The following MDH2 variants were observed in gnomAD, a reference collection of about 807,000 sequenced individuals.
The protein encoded by MDH2 is malate dehydrogenase 2.
MDH2 carries 25 observed loss-of-function variants against 33.6 expected under a neutral mutation model. The observed-to-expected ratio is 0.74, with a 90% CI of 0.54 to 1.04. The LOEUF (loss-of-function observed/expected upper bound fraction) is 1.04. Among genes scored for constraint, MDH2 ranks in the 50% least tolerant of loss-of-function variants. The pLI, the probability that MDH2 is intolerant of heterozygous loss-of-function variation, is 0.00. For missense variants in MDH2, 432 were observed against 445.0 expected, an observed-to-expected ratio of 0.97 and a Z score of 0.26; for synonymous variants, 193 against 188.7, an observed-to-expected ratio of 1.02 and a Z score of -0.19.
At chr7:76,055,255 G>A (rs1359563476) in intron 2 of MDH2, among the ~76,000 whole-genome samples, 1 of 152,152 alleles carries the variant, frequency 6.6e-6, no homozygotes, top group Non-Finnish European at 1.5e-5. Flanking sequence ...GTATGAGGAT[G>A]GGGAAGAGGG....
At chr7:76,051,862 G>T (rs1797637212) in intron 1 of MDH2, among the ~76,000 whole-genome samples, 1 of 152,202 alleles carries the variant, frequency 6.6e-6, no homozygotes, top group Non-Finnish European at 1.5e-5. Context: ...GCAAAGGTCA[G>T]CGGGTCTGGA....
rs782726761 is a variant in MDH2, at chr7:76,060,510, G to A, written c.555+12G>A. 5.6e-6 allele frequency: 9 copies of A among 1,613,636 alleles called. No homozygotes were observed. Among genetic ancestry groups the A allele is most frequent in the South Asian group, 3.3e-5 (3 of 91,036 alleles). On this transcript the variant is annotated intron_variant, in intron 5 of 8. Transcript: ENST00000315758. ...TTGCAGAGCTGAAGGTAAGGGCGGC[G>A]TGGGTGTTGCTCAGGTGACCTTTCT... is the stretch of plus-strand genomic sequence containing the variant.
At chr7:76,052,647 C>T (rs922180823) in intron 1 of MDH2, among the ~76,000 whole-genome samples, 3 of 150,510 alleles carry the variant, frequency 2.0e-5, no homozygotes, top group South Asian at 2.1e-4. Context: ...TGGGTTCAAG[C>T]GATTCTCCTG....
At chr7:76,054,755 A>G (rs1797719196) in intron 1 of MDH2, 75 bp from the exon 2 acceptor site, 1 of 1,565,160 alleles carries the variant, frequency 6.4e-7, no homozygotes. Context: ...GCCCAGTGCA[A>G]CATTATAGGA....
At chr7:76,060,608 T>G in intron 5 of MDH2, 110 bp downstream of exon 5, 1 of 1,479,950 alleles carries the variant, frequency 6.8e-7, no homozygotes, top group Non-Finnish European at 9.1e-7. Flanking sequence ...ACGTGTCACT[T>G]TGGGGTTTTA....
chr7:76,051,776 G>A (rs6976532), intron 1 of MDH2, among the ~76,000 whole-genome samples: 81,979 of 152,006 alleles, frequency 0.54, 24,890 homozygotes, highest in Non-Finnish European at 0.7. Context: ...ACTTATAAAT[G>A]AAGGCAGTGT....
intron 1 of MDH2, among the ~76,000 whole-genome samples, chr7:76,051,863 C>T (rs529918579): frequency 2.6e-5 from 4 of 152,244 alleles, no homozygotes; most frequent in African/African-American, 7.2e-5. Flanking sequence ...CAAAGGTCAG[C>T]GGGTCTGGAA....
At chr7:76,048,981 C>CGGGG (rs71521108) in intron 1 of MDH2, 14 of 500,526 alleles carry the variant, frequency 2.8e-5, no homozygotes, top group Admixed American at 2.6e-4. Flanking sequence ...CTTAAGACTG[C>CGGGG]GGGGGGGGGG....
chr7:76,055,817 T>G (rs188197550), intron 2 of MDH2, among the ~76,000 whole-genome samples: 1 of 145,818 alleles, frequency 6.9e-6, no homozygotes, highest in Non-Finnish European at 1.5e-5. Context: ...TCAACATTTT[T>G]GCATGTCACC....
At chr7:76,048,720 A>G (rs2116629662) in intron 1 of MDH2, 1 of 1,236,262 alleles carries the variant, frequency 8.1e-7, no homozygotes, top group East Asian at 3.2e-5. Context: ...ATTTGGCCAG[A>G]GGATTAGAAT....
At chr7:76,048,263 C>A in intron 1 of MDH2, 37 bp downstream of exon 1, 1 of 1,525,250 alleles carries the variant, frequency 6.6e-7, no homozygotes, top group Non-Finnish European at 8.8e-7. Flanking sequence ...GGCGGAGGCC[C>A]CCCGGCCCGG....
At chr7:76,065,959 T>C (rs1412348749) in intron 8 of MDH2, among the ~76,000 whole-genome samples, 1 of 152,200 alleles carries the variant, frequency 6.6e-6, no homozygotes, top group African/African-American at 2.4e-5. Flanking sequence ...GCTTGTCGCA[T>C]TGTCCTCGTG....
Position 76,053,748 on chromosome 7 carries a change from T to G in MDH2, c.67-1082T>G, listed in dbSNP as rs536950694. Among the ~76,000 whole-genome samples, 3 of 152,292 alleles carry G rather than the reference T, an allele frequency of 2.0e-5. 1 individual carries two copies. In the South Asian group the frequency reaches 6.2e-4, roughly 32 times the overall value. On this transcript the variant is annotated intron_variant, in intron 1 of 8. Transcript: ENST00000315758. The stretch of plus-strand genomic sequence containing the variant: ...GCCTCTTCCCTCACTGGTAGCTGCC[T>G]GCCTGCCTGCCTGCCAGGGATCGGC...
intron 1 of MDH2, among the ~76,000 whole-genome samples, chr7:76,049,248 CTT>C (rs1797504729): frequency 6.6e-6 from 1 of 152,178 alleles, no homozygotes; most frequent in African/African-American, 2.4e-5. Flanking sequence ...GCGAGTTTAA[CTT>C]TGTGTATTTT....
intron 1 of MDH2, among the ~76,000 whole-genome samples, chr7:76,053,575 C>T (rs566897402): frequency 6.3e-4 from 96 of 152,214 alleles, no homozygotes; most frequent in African/African-American, 2.1e-3. Context: ...CGTCTTGATT[C>T]GGATTTTGGT....
chr7:76,049,464 A>AG (rs1342022060), intron 1 of MDH2, among the ~76,000 whole-genome samples: 2 of 152,148 alleles, frequency 1.3e-5, no homozygotes, highest in Non-Finnish European at 2.9e-5. Flanking sequence ...GAGTAAACTT[A>AG]GGACAGGTGG....
chr7:76,056,477 G>A lies in MDH2; in HGVS notation c.236-933G>A, dbSNP rs191318041. Among the ~76,000 whole-genome samples, 8 of 152,222 alleles carry A rather than the reference G, an allele frequency of 5.3e-5. No homozygotes were observed. In the East Asian group the frequency reaches 5.8e-4, roughly 11 times the overall value. On this transcript the variant is annotated intron_variant, in intron 2 of 8. Coordinates refer to ENST00000315758, the MANE Select transcript of MDH2 (RefSeq NM_005918.4). ...AGGCTGCCTGGCAAATTTTATGTTC[G>A]TGCACCTTCCAGAGTTCTCTGAATG...
intron 6 of MDH2, 66 bp from the exon 7 acceptor site, chr7:76,064,273 T>C: frequency 8.5e-7 from 1 of 1,175,580 alleles, no homozygotes; most frequent in South Asian, 1.4e-5. Flanking sequence ...ATAGTGGGGG[T>C]GGGAGGCAGT....
intron 1 of MDH2, chr7:76,054,621 C>G: frequency 1.6e-6 from 1 of 617,186 alleles, no homozygotes; most frequent in Non-Finnish European, 2.8e-6. Flanking sequence ...ATCACAGACT[C>G]TACAGACATA....
Sources: gnomAD v4.1 joint callset for allele counts (sites outside exome capture counted in the v4.1 genomes callset) on GRCh38, gnomAD v4.1.1 for gene constraint, MANE v1.5 for transcripts, NCBI Gene and HGNC (gene_info 2026-07-23, HGNC 2026-07-21) for gene names.